MYOM2: variants seen among roughly 807,000 people sequenced by gnomAD.
MYOM2 encodes myomesin-2.
MYOM2 carries 254 observed loss-of-function variants against 187.6 expected under a neutral mutation model. The ratio of observed to expected loss-of-function variants is 1.35; its 90% CI spans 1.22 to 1.50. The LOEUF is 1.50. Among genes scored for constraint, MYOM2 ranks in the 40% most tolerant of loss-of-function variants. MYOM2 has a pLI of 0.00. For missense variants in MYOM2, 2,796 were observed against 1,924.0 expected, an observed-to-expected ratio of 1.45 and a Z score of -8.48; for synonymous variants, 981 against 753.8, an observed-to-expected ratio of 1.30 and a Z score of -4.94.
intron 32 of MYOM2, among the ~76,000 whole-genome samples, chr8:2,129,600 C>G (rs1585960065): frequency 6.6e-6 from 1 of 151,922 alleles, no homozygotes. Context: ...AGTTGGTTTC[C>G]CGCTAGACTT....
chr8:2,082,286 C>A (rs1357372243), intron 13 of MYOM2: 2 of 152,178 alleles, frequency 1.3e-5, no homozygotes. Flanking sequence ...TTAAAAAAAT[C>A]TTTAGCCAAA....
At chr8:2,090,629 G>T (rs1400254096) in intron 15 of MYOM2, among the ~76,000 whole-genome samples, 2 of 152,046 alleles carry the variant, frequency 1.3e-5, no homozygotes, top group African/African-American at 4.8e-5. Flanking sequence ...TCCCACCCTA[G>T]ACCCTCTGAT....
intron 13 of MYOM2, among the ~76,000 whole-genome samples, chr8:2,081,624 G>T (rs1819631812): frequency 6.6e-6 from 1 of 152,228 alleles, no homozygotes; most frequent in African/African-American, 2.4e-5. Flanking sequence ...CTTCTGTAAA[G>T]GCCATTGAGA....
At chr8:2,123,781 C>G in intron 30 of MYOM2, 139 bp downstream of exon 30, 1 of 723,882 alleles carries the variant, frequency 1.4e-6, no homozygotes, top group Non-Finnish European at 2.3e-6. Flanking sequence ...TAGAAAAAAA[C>G]TATTTGTTCT....
chr8:2,145,339 C>G lies in MYOM2; in HGVS notation c.*358C>G, dbSNP rs754763968. The G allele has an allele frequency of 6.0e-6, 2 of 332,276 alleles. No individual in the cohort carries two copies. Among genetic ancestry groups the G allele is most frequent in the Non-Finnish European group, 5.4e-6 (1 of 184,722 alleles). 20.6% of individuals were successfully genotyped at this position (332,276 alleles called of 1,614,324 possible). On this transcript the variant is annotated 3_prime_UTR_variant, in exon 37 of 37. Transcript: ENST00000262113. ...GTCTGTGTGAAGCCACCGTGCTTCT[C>G]TTTGGGGGGCCGCGAGATCTAGCAT... is the stretch of plus-strand genomic sequence containing the variant.
chr8:2,069,479 G>T lies in MYOM2; in HGVS notation c.775G>T (p.Val259Leu), dbSNP rs1563427684. The T allele has an allele frequency of 6.2e-7, 1 of 1,614,100 alleles. No homozygotes were observed. The highest frequency in any genetic ancestry group is 1.7e-5 in the Admixed American group (1 of 60,006). Residue 259 changes from valine to leucine, a missense_variant, in exon 8 of 37, where the codon GTG (valine) becomes TTG (leucine). Coordinates refer to ENST00000262113, the MANE Select transcript of MYOM2 (RefSeq NM_003970.4). Reference protein sequence around the residue: ...FRGDEEPFRSVGLPIGLPLSS... With the variant: ...FRGDEEPFRSLGLPIGLPLSS... ...GGGAGACGAGGAACCATTCCGTTCGGTGGGACTCCCGATTGGATGTAAGTG... is the reference window on the plus strand; with the variant it reads ...GGGAGACGAGGAACCATTCCGTTCGTTGGGACTCCCGATTGGATGTAAGTG...
At position 2,069,516 on chromosome 8, in the gene MYOM2, C is replaced by A; in HGVS notation, c.793+19C>A. On this transcript the variant is annotated intron_variant, in intron 8 of 36. Coordinates refer to ENST00000262113, the MANE Select transcript of MYOM2 (RefSeq NM_003970.4). ...ATTGGATGTAAGTGGGTTTTTGTTT[C>A]TTTTCTGTGTGGTGAAATGTTTAGT... is the stretch of plus-strand genomic sequence containing the variant. 2 of 1,613,960 alleles carry A rather than the reference C, an allele frequency of 1.2e-6. No homozygotes were observed. Among genetic ancestry groups the A allele is most frequent in the Non-Finnish European group, 1.7e-6 (2 of 1,179,922 alleles).
rs1410680042 is a variant in MYOM2, at chr8:2,124,180, G to A, written c.3657G>A (p.Val1219=). The A allele has an allele frequency of 6.2e-7, 1 of 1,612,494 alleles. No homozygotes were observed. The highest frequency in any genetic ancestry group is 1.7e-5 in the Admixed American group (1 of 59,892). The change falls in exon 31 of 37, where the codon GTG becomes GTA. Residue 1219 remains valine, a splice_region_variant and synonymous_variant. Transcript: ENST00000262113. ...GTGCGTATCCCTTCTCATTTTCAGT[G>A]TATGATGATATGATTTTGGCAATGA... ...DVSILEIAGK[V]YDDMILAMSR...
chr8:2,106,182 A>C (rs1162767818), intron 21 of MYOM2, 60 bp from the exon 22 acceptor site: 11 of 1,549,950 alleles, frequency 7.1e-6, no homozygotes, highest in African/African-American at 1.4e-5. Context: ...CCCTCTCCCA[A>C]AAGAGAGTTG....
In MYOM2 at chr8:2,086,484, T is replaced by A. The variant is rs1335831382; in HGVS notation, c.1644+1094T>A. 3.4e-5 allele frequency among the ~76,000 whole-genome samples: 5 copies of A among 148,442 alleles called. No individual in the cohort carries two copies. In the East Asian group the frequency reaches 5.8e-4, roughly 17 times the overall value. ...CACGTGGCCACACACTGTCATGATCTCTGTGTGGCCCCCCACTGTCGTGAT... is the reference window on the plus strand; with the variant it reads ...CACGTGGCCACACACTGTCATGATCACTGTGTGGCCCCCCACTGTCGTGAT... On this transcript the variant is annotated intron_variant, in intron 14 of 36. Coordinates refer to ENST00000262113, the MANE Select transcript of MYOM2 (RefSeq NM_003970.4).
intron 3 of MYOM2, among the ~76,000 whole-genome samples, chr8:2,056,339 G>A (rs905720981): frequency 1.8e-4 from 28 of 152,092 alleles, no homozygotes; most frequent in African/African-American, 6.8e-4. Context: ...GCAGAACAGC[G>A]AGCGTCCTAA....
At position 2,072,433 on chromosome 8, in the gene MYOM2, G is replaced by T. The variant is rs750795644; in HGVS notation, c.882G>T (p.Thr294=). 3 of 1,614,130 alleles carry T rather than the reference G, an allele frequency of 1.9e-6. No homozygotes were observed. Among genetic ancestry groups the T allele is most frequent in the Middle Eastern group, 1.6e-4 (1 of 6,062 alleles). ...FGVTFRREGE[T]VTLKCTMLVT... ...TCACCTTCAGGAGGGAAGGCGAGAC[G>T]GTCACTCTCAAGTGCACCATGCTGG... The change falls in exon 9 of 37, where the codon ACG becomes ACT. Residue 294 remains threonine (T), a synonymous_variant. Transcript: ENST00000262113.
At chr8:2,084,844 G>A (rs1819753442) in intron 13 of MYOM2, among the ~76,000 whole-genome samples, 2 of 152,180 alleles carry the variant, frequency 1.3e-5, no homozygotes, top group Admixed American at 1.3e-4. Context: ...ACCCAGAGGG[G>A]ATCCTTAGAG....
intron 25 of MYOM2, among the ~76,000 whole-genome samples, chr8:2,114,577 C>T (rs1797174759): frequency 6.6e-6 from 1 of 152,144 alleles, no homozygotes; most frequent in East Asian, 1.9e-4. Context: ...TGAGTTCAAG[C>T]TCATGCCTCA....
intron 13 of MYOM2, among the ~76,000 whole-genome samples, chr8:2,080,513 C>G (rs181069652): frequency 6.6e-6 from 1 of 152,304 alleles, no homozygotes; most frequent in African/African-American, 2.4e-5. Flanking sequence ...TCTGGTCAAG[C>G]CAAGGGAACC....
intron 6 of MYOM2, 59 bp downstream of exon 6, chr8:2,059,304 AAAG>A (rs1343557553): frequency 5.7e-5 from 86 of 1,506,528 alleles, no homozygotes; most frequent in Non-Finnish European, 6.9e-5. Context: ...TGCAGACCCC[AAAG>A]AAGAAGTCAG....
At chr8:2,058,125 T>G (rs533852123) in intron 5 of MYOM2, among the ~76,000 whole-genome samples, 1 of 149,960 alleles carries the variant, frequency 6.7e-6, no homozygotes, top group Admixed American at 6.8e-5. Flanking sequence ...TTTAAGTGAT[T>G]CTCCTGCCTC....
At chr8:2,053,045 G>A (rs1332678018) in intron 3 of MYOM2, among the ~76,000 whole-genome samples, 1 of 152,138 alleles carries the variant, frequency 6.6e-6, no homozygotes, top group Non-Finnish European at 1.5e-5. Flanking sequence ...ACGTTCGCGG[G>A]TGCCTTGTTT....
chr8:2,076,579 G>A (rs978549156), intron 11 of MYOM2: 2 of 352,276 alleles, frequency 5.7e-6, no homozygotes, highest in African/African-American at 2.1e-5. Context: ...TGAGCCCCGC[G>A]CTGTGGTTCT....
Sources: allele counts gnomAD v4.1 joint callset (sites outside exome capture counted in the v4.1 genomes callset), GRCh38; gene constraint gnomAD v4.1.1; transcripts MANE v1.5; gene names NCBI Gene and HGNC (gene_info 2026-07-23, HGNC 2026-07-21).